The following SLC35E3 variants were observed in gnomAD, a reference collection of about 807,000 sequenced individuals.
SLC35E3 encodes solute carrier family 35 member E3.
In SLC35E3, 28 loss-of-function variants were observed where a neutral mutation model predicts 30.8. The ratio of observed to expected loss-of-function variants is 0.91; its 90% CI spans 0.67 to 1.25. SLC35E3 has a LOEUF of 1.25. SLC35E3 is among the 50% of genes most tolerant of loss of function. The pLI, the probability that SLC35E3 is intolerant of heterozygous loss-of-function variation, is 0.00. For missense variants in SLC35E3, 365 were observed against 375.4 expected, an observed-to-expected ratio of 0.97 and a Z score of 0.23; for synonymous variants, 146 against 149.2, an observed-to-expected ratio of 0.98 and a Z score of 0.16.
chr12:68,747,379 C>T (rs12813422), intron 1 of SLC35E3, among the ~76,000 whole-genome samples: 11,308 of 151,960 alleles, frequency 0.074, 594 homozygotes, highest in Non-Finnish European at 0.11. Flanking sequence ...AAGCGATTCT[C>T]CTGCCTCAGC....
At position 68,774,915 on chromosome 12, in the gene SLC35E3, G is replaced by A. The variant is rs1428850735; in HGVS notation, c.*10025G>A. 1 of 151,882 alleles carries A rather than the reference G, an allele frequency of 6.6e-6. No individual in the cohort carries two copies. Among genetic ancestry groups the A allele is most frequent in the Non-Finnish European group, 1.5e-5 (1 of 68,010 alleles). 9.4% of individuals were successfully genotyped at this position (151,882 alleles called of 1,614,324 possible). ...AATCCCAACACTTTGGGAGGCTGAG[G>A]TGGGTGGATCACTTGAGCCCAGTAG... is the stretch of plus-strand genomic sequence containing the variant. On this transcript the variant is annotated 3_prime_UTR_variant, in exon 5 of 5. Transcript: ENST00000398004.
Position 68,746,474 on chromosome 12 carries a change from A to G in SLC35E3, c.97A>G (p.Lys33Glu). Residue 33 changes from lysine to glutamate, a missense_variant, in exon 1 of 5, where the codon AAA becomes GAA. Lys to Glu is a moderately conservative substitution (Grantham distance 56). Transcript: ENST00000398004. The stretch of plus-strand genomic sequence containing the variant: ...GTCCATCTGCATTGTGTTCCTCAAC[A>G]AATGGATTTATGTGTACCACGGCTT... ...LVSICIVFLN[K>E]WIYVYHGFPN... 1 of 1,614,232 alleles carries G rather than the reference A, an allele frequency of 6.2e-7. No individual in the cohort carries two copies. Among genetic ancestry groups the G allele is most frequent in the Non-Finnish European group, 8.5e-7 (1 of 1,180,024 alleles).
chr12:68,768,237 C>T lies in SLC35E3; in HGVS notation c.*3347C>T, dbSNP rs1246735204. On this transcript the variant is annotated 3_prime_UTR_variant, in exon 5 of 5. Transcript: ENST00000398004. ...CAGGGAGTCGGAGGTTGCAGTGAGCCGAGACTGCGCCATTGCACACCAGCC... is the reference window on the plus strand; with the variant it reads ...CAGGGAGTCGGAGGTTGCAGTGAGCTGAGACTGCGCCATTGCACACCAGCC... 1.3e-5 allele frequency: 2 copies of T among 151,532 alleles called. No homozygotes were observed. The highest frequency in any genetic ancestry group is 2.4e-5 in the African/African-American group (1 of 41,190). 9.4% of individuals were successfully genotyped at this position (151,532 alleles called of 1,614,324 possible).
intron 2 of SLC35E3, among the ~76,000 whole-genome samples, chr12:68,750,227 A>G (rs1200567643): frequency 6.6e-6 from 1 of 152,256 alleles, no homozygotes; most frequent in Admixed American, 6.5e-5. Context: ...GCCCATTTGT[A>G]GAAAAAAGGC....
chr12:68,759,423 G>A (rs1879164951), intron 4 of SLC35E3, among the ~76,000 whole-genome samples, 184 bp downstream of exon 4: 1 of 152,120 alleles, frequency 6.6e-6, no homozygotes, highest in South Asian at 2.1e-4. Context: ...GAACTGAAGG[G>A]GCAAGTGTGG....
chr12:68,766,830 C>G lies in SLC35E3; in HGVS notation c.*1940C>G. On this transcript the variant is annotated 3_prime_UTR_variant, in exon 5 of 5. Coordinates refer to ENST00000398004, the MANE Select transcript of SLC35E3 (RefSeq NM_018656.5). ...AAACTCTTGAGCTCAAGCCATCTGT[C>G]TGCCTCAGCCTCTCGAAGTGCTGGG... is the stretch of plus-strand genomic sequence containing the variant. The G allele has an allele frequency of 2.3e-6, 1 of 443,976 alleles. No homozygotes were observed. The highest frequency in any genetic ancestry group is 4.5e-6 in the Non-Finnish European group (1 of 221,358). 27.5% of individuals were successfully genotyped at this position (443,976 alleles called of 1,614,324 possible).
chr12:68,748,613 C>T (rs1028685987), intron 2 of SLC35E3, among the ~76,000 whole-genome samples: 1 of 151,986 alleles, frequency 6.6e-6, no homozygotes, highest in Non-Finnish European at 1.5e-5. Flanking sequence ...TTGCCTATAG[C>T]AGATATTCAT....
Position 68,773,316 on chromosome 12 carries a change from TCTC to T in SLC35E3, c.*8429_*8431del, listed in dbSNP as rs1879656188. ...CAATTACTCTGTTGAGGAGATGGAA[TCTC>T]CTGGAATCTCAAAAAGGATTTCCTT... On this transcript the variant is annotated 3_prime_UTR_variant, in exon 5 of 5. Coordinates refer to ENST00000398004, the MANE Select transcript of SLC35E3 (RefSeq NM_018656.5). 1 of 152,168 alleles carries T rather than the reference TCTC, an allele frequency of 6.6e-6. No homozygotes were observed. Among genetic ancestry groups the T allele is most frequent in the South Asian group, 2.1e-4 (1 of 4,830 alleles). 9.4% of individuals were successfully genotyped at this position (152,168 alleles called of 1,614,324 possible).
intron 3 of SLC35E3, among the ~76,000 whole-genome samples, chr12:68,752,637 G>T (rs1258194185): frequency 6.6e-6 from 1 of 151,700 alleles, no homozygotes; most frequent in East Asian, 1.9e-4. Context: ...TTGGGAGGAT[G>T]AGCTGGGCAG....
Position 68,766,438 on chromosome 12 carries a change from A to T in SLC35E3, c.*1548A>T, listed in dbSNP as rs1417815443. The T allele has an allele frequency of 6.2e-6, 1 of 161,326 alleles. No homozygotes were observed. The highest frequency in any genetic ancestry group is 1.3e-5 in the Non-Finnish European group (1 of 74,502). The allele number at this position is 161,326 out of a possible 1,614,324, so 10.0% of individuals were successfully genotyped here. ...GAGGCAGAGGTTGTGGTGAGCCGAG[A>T]TCATGCCATTGCTCTCCAGCCTGGG... On this transcript the variant is annotated 3_prime_UTR_variant, in exon 5 of 5. Coordinates refer to ENST00000398004, the MANE Select transcript of SLC35E3 (RefSeq NM_018656.5).
Position 68,780,481 on chromosome 12 carries a change from CT to C in SLC35E3, c.*15613del, listed in dbSNP as rs34635694. 0.012 allele frequency: 1,342 copies of C among 109,630 alleles called. 8 individuals are homozygous for C. The highest frequency in any genetic ancestry group is 0.018 in the Non-Finnish European group (969 of 53,760). 6.8% of individuals were successfully genotyped at this position (109,630 alleles called of 1,614,324 possible). On this transcript the variant is annotated 3_prime_UTR_variant, in exon 5 of 5. Coordinates refer to ENST00000398004, the MANE Select transcript of SLC35E3 (RefSeq NM_018656.5). Reference sequence around the variant, plus strand: ...AGCCGTCCTGCCTGGCCTAGTCACACTTTTTTTTTTTTTTTTTTTTTTGGAG... The same window carrying C: ...AGCCGTCCTGCCTGGCCTAGTCACACTTTTTTTTTTTTTTTTTTTTTGGAG...
chr12:68,753,834 A>ACACCCC (rs762941770), intron 3 of SLC35E3, among the ~76,000 whole-genome samples: 24 of 148,044 alleles, frequency 1.6e-4, no homozygotes, highest in African/African-American at 5.7e-4. Flanking sequence ...ACACACACAC[A>ACACCCC]CCCCAATTAA....
chr12:68,760,703 C>T (rs1203601049), intron 4 of SLC35E3, among the ~76,000 whole-genome samples: 1 of 152,100 alleles, frequency 6.6e-6, no homozygotes, highest in Non-Finnish European at 1.5e-5. Context: ...CTAAACCAGT[C>T]ATTGATATAA....
chr12:68,761,346 G>A (rs1183317849), intron 4 of SLC35E3, among the ~76,000 whole-genome samples: 3 of 152,152 alleles, frequency 2.0e-5, no homozygotes, highest in Non-Finnish European at 2.9e-5. Flanking sequence ...CCAGGAGTTC[G>A]AGACCAGTCT....
At chr12:68,753,706 T>A (rs143353212) in intron 3 of SLC35E3, among the ~76,000 whole-genome samples, 2 of 151,784 alleles carry the variant, frequency 1.3e-5, no homozygotes, top group Non-Finnish European at 2.9e-5. Flanking sequence ...CATTACCCCC[T>A]AATCTTCCAC....
At chr12:68,764,446 G>A (rs558010434) in intron 4 of SLC35E3, among the ~76,000 whole-genome samples, 4 of 152,052 alleles carry the variant, frequency 2.6e-5, no homozygotes, top group Non-Finnish European at 5.9e-5. Context: ...GTGCCACCAC[G>A]CCCAGCTAAT....
Position 68,746,396 on chromosome 12 carries a change from C to A in SLC35E3, c.19C>A (p.Arg7=), listed in dbSNP as rs376615107. The change falls in exon 1 of 5, where the codon CGA becomes AGA. Residue 7 remains arginine (R), a synonymous_variant. Coordinates refer to ENST00000398004, the MANE Select transcript of SLC35E3 (RefSeq NM_018656.5). The part of the protein sequence containing the change: MALLVD[R]VRGHWRIAAG... Reference sequence around the variant, plus strand: ...GGGGATCATGGCATTGCTGGTGGACCGAGTGCGGGGCCACTGGCGAATCGC... The same window carrying A: ...GGGGATCATGGCATTGCTGGTGGACAGAGTGCGGGGCCACTGGCGAATCGC... The A allele has an allele frequency of 1.6e-4, 256 of 1,599,124 alleles. No individual in the cohort carries two copies. The African/African-American group carries it at 3.2e-3, about 20-fold the overall frequency.
In SLC35E3 at chr12:68,746,227, T is replaced by G. The variant is rs1013112882; in HGVS notation, c.-151T>G. ...CGGGGTGTGTGTCCTCTGTTAAGAG[T>G]GCTACTCGCCCGGGGTTGATCTGTG... is the stretch of plus-strand genomic sequence containing the variant. On this transcript the variant is annotated 5_prime_UTR_variant, in exon 1 of 5. Transcript: ENST00000398004. 2.4e-5 allele frequency: 16 copies of G among 676,822 alleles called. No homozygotes were observed. The highest frequency in any genetic ancestry group is 3.2e-5 in the Non-Finnish European group (13 of 411,828). 41.9% of individuals were successfully genotyped at this position (676,822 alleles called of 1,614,324 possible).
Position 68,746,400 on chromosome 12 carries a change from T to G in SLC35E3, c.23T>G (p.Val8Gly). ...ATCATGGCATTGCTGGTGGACCGAG[T>G]GCGGGGCCACTGGCGAATCGCCGCC... MALLVDR[V>G]RGHWRIAAGL... is the part of the protein sequence containing the mutation. The change falls in exon 1 of 5, where the codon GTG becomes GGG. Residue 8 changes from valine to glycine, a missense_variant. Val to Gly is a moderately radical substitution (Grantham distance 109). Coordinates refer to ENST00000398004, the MANE Select transcript of SLC35E3 (RefSeq NM_018656.5). 6.2e-7 allele frequency: 1 copy of G among 1,602,664 alleles called. No individual in the cohort carries two copies. Among genetic ancestry groups the G allele is most frequent in the Non-Finnish European group, 8.5e-7 (1 of 1,173,546 alleles).
Sources: gnomAD v4.1 joint callset for allele counts (sites outside exome capture counted in the v4.1 genomes callset) on GRCh38, gnomAD v4.1.1 for gene constraint, MANE v1.5 for transcripts, NCBI Gene and HGNC (gene_info 2026-07-23, HGNC 2026-07-21) for gene names.